TUSC3: variants seen among roughly 807,000 people sequenced by gnomAD.
TUSC3 encodes the protein dolichyl-diphosphooligosaccharide--protein glycosyltransferase subunit TUSC3.
TUSC3 carries 45 observed loss-of-function variants against 44.8 expected under a neutral mutation model. That is an observed-to-expected ratio of 1.00 (90% CI 0.79 to 1.29). TUSC3 has a LOEUF of 1.29. Ranked by LOEUF, TUSC3 falls within the 50% of genes most tolerant of loss-of-function variation. The pLI, the probability that TUSC3 is intolerant of heterozygous loss-of-function variation, is 0.00. For synonymous variants in TUSC3, 212 were observed against 152.9 expected (o/e 1.39, Z -2.85); for missense variants, 519 against 437.9 (o/e 1.19, Z -1.65).
intron 9 of TUSC3, among the ~76,000 whole-genome samples, chr8:15,754,200 G>T (rs1183622126): frequency 6.6e-6 from 1 of 152,046 alleles, no homozygotes; most frequent in African/African-American, 2.4e-5. Context: ...ACTCCCGAAG[G>T]TATTTCCTGG....
chr8:15,700,958 G>A (rs1220316180), intron 6 of TUSC3, among the ~76,000 whole-genome samples: 4 of 148,256 alleles, frequency 2.7e-5, no homozygotes, highest in Admixed American at 6.8e-5. Flanking sequence ...TTAGTCCGGA[G>A]GTCCCTATTC....
intron 1 of TUSC3, among the ~76,000 whole-genome samples, chr8:15,467,201 T>G (rs1193910207): frequency 6.6e-6 from 1 of 151,052 alleles, no homozygotes; most frequent in Non-Finnish European, 1.5e-5. Context: ...AACAAGTACG[T>G]GCACTACGGT....
chr8:15,774,566 CT>C, the TUSC3 span, among the ~76,000 whole-genome samples: 67 of 152,126 alleles, frequency 4.4e-4, 1 homozygote, highest in African/African-American at 1.5e-3. Flanking sequence ...TGATTTTTTA[CT>C]TTTAGTCTCC....
chr8:15,451,791 A>G (rs1262628571), intron 1 of TUSC3, among the ~76,000 whole-genome samples: 1 of 152,086 alleles, frequency 6.6e-6, no homozygotes, highest in Non-Finnish European at 1.5e-5. Flanking sequence ...CTCTCCAGAA[A>G]GATAGTGTCT....
upstream of TUSC3, among the ~76,000 whole-genome samples, chr8:15,539,558 G>C (rs1801602811): frequency 6.6e-6 from 1 of 151,546 alleles, no homozygotes; most frequent in Non-Finnish European, 1.5e-5. Flanking sequence ...CCCATGTTAC[G>C]GCAGGCTGGT....
intron 2 of TUSC3, among the ~76,000 whole-genome samples, chr8:15,648,816 C>G (rs1806754838): frequency 7.1e-6 from 1 of 140,010 alleles, no homozygotes; most frequent in East Asian, 2.3e-4. Context: ...ACAATAATTC[C>G]TTTAAACCCG....
chr8:15,625,884 A>G (rs1270507273), intron 2 of TUSC3, among the ~76,000 whole-genome samples: 1 of 152,202 alleles, frequency 6.6e-6, no homozygotes, highest in Non-Finnish European at 1.5e-5. Context: ...TTTGAATTCT[A>G]TTACTATCAA....
chr8:15,433,291 T>G lies in TUSC3; in HGVS notation n.91+15986T>G, dbSNP rs184077392. 3.5e-4 allele frequency among the ~76,000 whole-genome samples: 54 copies of G among 152,194 alleles called. 1 individual carries two copies. The highest frequency in any genetic ancestry group is 1.0e-3 in the Admixed American group (16 of 15,284). ...ACGTGTAGACTGGAACATGGTCAGA[T>G]TGAGGCCACACCAATGAAGTCAAAT... On this transcript the variant is annotated intron_variant and non_coding_transcript_variant, in intron 1 of 5. Coordinates refer to the TUSC3 transcript ENST00000503191.
chr8:15,565,891 G>A (rs898062818), intron 1 of TUSC3, among the ~76,000 whole-genome samples: 2 of 152,060 alleles, frequency 1.3e-5, no homozygotes, highest in Non-Finnish European at 2.9e-5. Context: ...CTATTATATG[G>A]ATGTAAGCCA....
chr8:15,540,755 G>C (rs1027208124), intron 1 of TUSC3, among the ~76,000 whole-genome samples, 187 bp downstream of exon 1: 1 of 152,138 alleles, frequency 6.6e-6, no homozygotes, highest in Non-Finnish European at 1.5e-5. Flanking sequence ...GCAGGGTTCT[G>C]ACTTGAAAAA....
intron 6 of TUSC3, among the ~76,000 whole-genome samples, chr8:15,724,828 C>A (rs1219868303): frequency 6.6e-6 from 1 of 152,104 alleles, no homozygotes; most frequent in East Asian, 1.9e-4. Context: ...TTGCATAAAA[C>A]TGCATGACAA....
Position 15,604,938 on chromosome 8 carries a change from T to C in TUSC3, c.139-18142T>C, listed in dbSNP as rs928989423. ...CTCTAATGGTTCACTAAATTAGTTT[T>C]GAAATATCTGGGATTGCTTTCTTCA... On this transcript the variant is annotated intron_variant, in intron 1 of 10. Transcript: ENST00000503731. Among the ~76,000 whole-genome samples, 14 of 152,026 alleles carry C rather than the reference T, an allele frequency of 9.2e-5. No individual in the cohort carries two copies. In the East Asian group the frequency reaches 2.3e-3, roughly 25 times the overall value.
At chr8:15,564,471 T>TA (rs1802592378) in intron 1 of TUSC3, among the ~76,000 whole-genome samples, 2 of 152,206 alleles carry the variant, frequency 1.3e-5, no homozygotes, top group South Asian at 4.1e-4. Context: ...AACATCTTTT[T>TA]AATACCCCCT....
At chr8:15,695,250 G>A (rs958807293) in intron 6 of TUSC3, among the ~76,000 whole-genome samples, 1 of 152,184 alleles carries the variant, frequency 6.6e-6, no homozygotes, top group Non-Finnish European at 1.5e-5. Context: ...CCCAGTGGGA[G>A]GTAATTGAAT....
intron 1 of TUSC3, among the ~76,000 whole-genome samples, chr8:15,585,704 A>G (rs1461350732): frequency 2.0e-5 from 3 of 152,104 alleles, no homozygotes; most frequent in African/African-American, 2.4e-5. Context: ...TTGTGGGACT[A>G]TCTGGGCAAG....
chr8:15,686,758 C>G (rs977600881), intron 6 of TUSC3, among the ~76,000 whole-genome samples: 3 of 152,030 alleles, frequency 2.0e-5, no homozygotes, highest in African/African-American at 2.4e-5. Context: ...TAACATTATC[C>G]TGAAATTTTT....
chr8:15,726,478 C>G (rs1307719626), intron 6 of TUSC3, among the ~76,000 whole-genome samples: 3 of 151,932 alleles, frequency 2.0e-5, no homozygotes, highest in Non-Finnish European at 2.9e-5. Flanking sequence ...TATTGAATCA[C>G]TTTTTATTTT....
chr8:15,847,713 G>C, the TUSC3 span, among the ~76,000 whole-genome samples: 1 of 152,054 alleles, frequency 6.6e-6, no homozygotes, highest in Admixed American at 6.6e-5. Flanking sequence ...AAAACTCCGA[G>C]GCAGAGTTTA....
At chr8:15,439,965 A>G (rs1211499697) in intron 1 of TUSC3, among the ~76,000 whole-genome samples, 1 of 152,220 alleles carries the variant, frequency 6.6e-6, no homozygotes, top group African/African-American at 2.4e-5. Flanking sequence ...TCATTTAACA[A>G]TTATATAGTG....
Sources: allele counts gnomAD v4.1 joint callset (sites outside exome capture counted in the v4.1 genomes callset), GRCh38; gene constraint gnomAD v4.1.1; transcripts MANE v1.5; gene names NCBI Gene and HGNC (gene_info 2026-07-23, HGNC 2026-07-21).